TRMT11: variants seen among roughly 807,000 people sequenced by gnomAD.
The protein encoded by TRMT11 is tRNA (guanine(10)-N(2))-methyltransferase TRMT11.
TRMT11 carries 53 observed loss-of-function variants against 62.8 expected under a neutral mutation model. The ratio of observed to expected loss-of-function variants is 0.84; its 90% CI spans 0.68 to 1.06. The LOEUF is 1.06. Among genes scored for constraint, TRMT11 ranks in the 50% least tolerant of loss-of-function variants. The probability of loss-of-function intolerance (pLI) is 0.00; values close to 1 mark genes in which losing one functional copy is unlikely to be tolerated. For synonymous variants in TRMT11, 188 were observed against 190.3 expected, an observed-to-expected ratio of 0.99 and a Z score of 0.10; for missense variants, 556 against 553.4, an observed-to-expected ratio of 1.00 and a Z score of -0.05.
At chr6:126,188,071 G>A (rs2128244786) in intron 1 of TRMT11, among the ~76,000 whole-genome samples, 1 of 151,410 alleles carries the variant, frequency 6.6e-6, no homozygotes, top group Middle Eastern at 3.4e-3. Context: ...TTTTTTAGAG[G>A]GGATACAAAA....
chr6:126,024,478 C>T (rs1796267042), intron 12 of TRMT11, among the ~76,000 whole-genome samples: 1 of 152,348 alleles, frequency 6.6e-6, no homozygotes, highest in African/African-American at 2.4e-5. Context: ...CACTATTACA[C>T]CTCACTGTAA....
chr6:126,202,564 A>C (rs545912711), downstream of TRMT11, among the ~76,000 whole-genome samples: 50 of 152,358 alleles, frequency 3.3e-4, 1 homozygote, highest in South Asian at 1.7e-3. Context: ...GAGAGATTGA[A>C]TATAAAATGT....
the TRMT11 span, among the ~76,000 whole-genome samples, chr6:126,237,907 C>A: frequency 2.6e-5 from 4 of 152,154 alleles, no homozygotes; most frequent in African/African-American, 9.7e-5. Flanking sequence ...TTGGTCCATT[C>A]AGAGATTCAA....
intron 12 of TRMT11, among the ~76,000 whole-genome samples, chr6:126,027,828 A>G (rs1161652430): frequency 1.3e-5 from 2 of 152,164 alleles, no homozygotes; most frequent in African/African-American, 4.8e-5. Context: ...TAACTAAAGG[A>G]CTGAAAGATT....
intron 16 of TRMT11, among the ~76,000 whole-genome samples, chr6:126,049,009 T>G (rs1410092800): frequency 6.6e-6 from 1 of 152,248 alleles, no homozygotes; most frequent in East Asian, 1.9e-4. Context: ...CTTTTATTGC[T>G]AAAGCCACTC....
chr6:126,125,250 T>C (rs1777702212), intron 21 of TRMT11, among the ~76,000 whole-genome samples: 1 of 152,126 alleles, frequency 6.6e-6, no homozygotes, highest in African/African-American at 2.4e-5. Context: ...GTTTGGGCTC[T>C]TTAGTTTTTT....
chr6:126,203,395 A>G (rs1272787644), downstream of TRMT11, among the ~76,000 whole-genome samples: 3 of 152,214 alleles, frequency 2.0e-5, no homozygotes, highest in African/African-American at 7.2e-5. Flanking sequence ...CAAAACACTG[A>G]GCAGAAATAT....
chr6:126,148,091 T>C (rs1030304236), intron 21 of TRMT11, among the ~76,000 whole-genome samples: 2 of 152,160 alleles, frequency 1.3e-5, no homozygotes, highest in African/African-American at 2.4e-5. Flanking sequence ...CTATATAAAA[T>C]TTAGAAAGAG....
intron 21 of TRMT11, among the ~76,000 whole-genome samples, chr6:126,144,218 T>G (rs1031493687): frequency 6.6e-6 from 1 of 152,280 alleles, no homozygotes; most frequent in Middle Eastern, 3.4e-3. Flanking sequence ...CTTTAAACAT[T>G]GTTGTGGTGT....
intron 8 of TRMT11, chr6:126,009,425 T>G (rs1378740934): frequency 1.3e-5 from 2 of 152,008 alleles, no homozygotes; most frequent in Non-Finnish European, 2.9e-5. Context: ...TATTTCCTTA[T>G]AGCTTAATGG....
intron 17 of TRMT11, among the ~76,000 whole-genome samples, chr6:126,108,772 A>G (rs927838038): frequency 2.0e-5 from 3 of 152,172 alleles, no homozygotes; most frequent in African/African-American, 7.2e-5. Flanking sequence ...TTCTACCAGC[A>G]ATTGATCTGA....
chr6:126,167,111 C>T (rs1271849352), intron 21 of TRMT11, among the ~76,000 whole-genome samples: 1 of 152,112 alleles, frequency 6.6e-6, no homozygotes, highest in Non-Finnish European at 1.5e-5. Context: ...GCCCCCTTTC[C>T]AGGGGAGTGA....
chr6:126,170,282 A>G (rs1245454712), intron 21 of TRMT11, among the ~76,000 whole-genome samples: 1 of 152,072 alleles, frequency 6.6e-6, no homozygotes, highest in East Asian at 1.9e-4. Flanking sequence ...AAACCAAAAA[A>G]CCCGAAACTG....
the TRMT11 span, among the ~76,000 whole-genome samples, chr6:126,226,603 A>G: frequency 6.6e-6 from 1 of 152,260 alleles, no homozygotes; most frequent in Non-Finnish European, 1.5e-5. Flanking sequence ...TTATAGTAAT[A>G]GAATAATGCT....
chr6:126,047,824 T>C (rs536348037), intron 16 of TRMT11, among the ~76,000 whole-genome samples: 28 of 152,312 alleles, frequency 1.8e-4, no homozygotes, highest in African/African-American at 6.3e-4. Context: ...CAGGCAACTC[T>C]CCTGTTTCAC....
chr6:126,025,625 A>T (rs1299061898), intron 12 of TRMT11, among the ~76,000 whole-genome samples: 2 of 152,212 alleles, frequency 1.3e-5, no homozygotes, highest in Admixed American at 1.3e-4. Flanking sequence ...GTGGAGAGGA[A>T]TGTATATAAT....
chr6:126,250,125 G>A, the TRMT11 span, among the ~76,000 whole-genome samples: 5 of 152,252 alleles, frequency 3.3e-5, no homozygotes, highest in South Asian at 1.0e-3. Context: ...ACAATGATAT[G>A]TATATGCTAT....
At chr6:126,244,057 C>A in the TRMT11 span, among the ~76,000 whole-genome samples, 1 of 151,988 alleles carries the variant, frequency 6.6e-6, no homozygotes, top group African/African-American at 2.4e-5. Flanking sequence ...AAGTTAAGGT[C>A]TTTTCTATAT....
At chr6:126,109,145 A>G (rs1020507879) in intron 17 of TRMT11, among the ~76,000 whole-genome samples, 1 of 152,176 alleles carries the variant, frequency 6.6e-6, no homozygotes, top group Admixed American at 6.6e-5. Flanking sequence ...GTAAATTCTC[A>G]TATACCCACA....
Sources: allele counts gnomAD v4.1 joint callset (sites outside exome capture counted in the v4.1 genomes callset), GRCh38; gene constraint gnomAD v4.1.1; transcripts MANE v1.5; gene names NCBI Gene and HGNC (gene_info 2026-07-23, HGNC 2026-07-21).